Variants in CEP83 observed in about 807,000 individuals in gnomAD.
The protein encoded by CEP83 is centrosomal protein of 83 kDa.
CEP83 carries 70 observed loss-of-function variants against 101.9 expected under a neutral mutation model. The ratio of observed to expected loss-of-function variants is 0.69; its 90% CI spans 0.57 to 0.84. CEP83 has a LOEUF of 0.84. Ranked by LOEUF, CEP83 falls within the 40% of genes least tolerant of loss-of-function variation. The pLI, the probability that CEP83 is intolerant of heterozygous loss-of-function variation, is 0.00. For synonymous variants in CEP83, 264 were observed against 267.9 expected, an observed-to-expected ratio of 0.99 and a Z score of 0.14; for missense variants, 715 against 787.2, an observed-to-expected ratio of 0.91 and a Z score of 1.10.
chr12:94,375,124 G>C (rs2137108019), intron 8 of CEP83, among the ~76,000 whole-genome samples: 2 of 152,224 alleles, frequency 1.3e-5, no homozygotes, highest in East Asian at 3.9e-4. Flanking sequence ...GCTTACATTG[G>C]GTTGAGGGGA....
the CEP83 span, among the ~76,000 whole-genome samples, chr12:94,267,613 G>A: frequency 6.6e-6 from 1 of 152,134 alleles, no homozygotes; most frequent in South Asian, 2.1e-4. Context: ...TAGGGGCCTT[G>A]CCTTTAAAAA....
In CEP83 at chr12:94,412,505, T is replaced by C. The variant is rs773487063; in HGVS notation, c.-15A>G. ...CTGACAACCATGTAAAAATAAGTTT[T>C]GGCTTTCTTACTGTTTTAGTTTTCT... On this transcript the variant is annotated 5_prime_UTR_variant, in exon 3 of 17. Coordinates refer to ENST00000397809, the MANE Select transcript of CEP83 (RefSeq NM_016122.3). 1.2e-6 allele frequency: 2 copies of C among 1,609,622 alleles called. No homozygotes were observed. Among genetic ancestry groups the C allele is most frequent in the Non-Finnish European group, 8.5e-7 (1 of 1,178,444 alleles).
chr12:94,286,616 C>CA, the CEP83 span, among the ~76,000 whole-genome samples: 4,336 of 101,278 alleles, frequency 0.043, 123 homozygotes, highest in East Asian at 0.076. Context: ...TGCTTAAAAG[C>CA]AAAAAAAAAA....
chr12:94,431,239 A>G (rs1369256862), intron 2 of CEP83, among the ~76,000 whole-genome samples: 1 of 152,220 alleles, frequency 6.6e-6, no homozygotes, highest in African/African-American at 2.4e-5. Context: ...CTGAATATCC[A>G]TATGCAGAAA....
rs190604261 is a variant in CEP83 at position 94,398,540 on chromosome 12, A to G, written c.549+2310T>C. On this transcript the variant is annotated intron_variant, in intron 6 of 16. Coordinates refer to ENST00000397809, the MANE Select transcript of CEP83 (RefSeq NM_016122.3). Reference sequence around the variant, plus strand: ...ATAAGCTGAGGATGTACATCACCTCAGGACCACTATAACTGTGTTAACTGT... The same window carrying G: ...ATAAGCTGAGGATGTACATCACCTCGGGACCACTATAACTGTGTTAACTGT... Among the ~76,000 whole-genome samples, 413 of 152,316 alleles carry G rather than the reference A, an allele frequency of 2.7e-3. 2 individuals are homozygous for G. Among genetic ancestry groups the G allele is most frequent in the African/African-American group, 9.0e-3 (373 of 41,566 alleles).
Position 94,388,364 on chromosome 12 carries a change from G to A in CEP83, c.550-9322C>T, listed in dbSNP as rs150650624. ...ATACCAATACCACATGTTCTCACTT[G>A]TAAGTGGGAGCTAAACACTGACTAC... On this transcript the variant is annotated intron_variant, in intron 6 of 16. Transcript: ENST00000397809. 9.2e-4 allele frequency among the ~76,000 whole-genome samples: 140 copies of A among 152,318 alleles called. 1 individual carries two copies. The highest frequency in any genetic ancestry group is 5.0e-3 in the East Asian group (26 of 5,184).
rs147428706 is a variant in CEP83 at position 94,371,031 on chromosome 12, C to T, written c.934-995G>A. Among the ~76,000 whole-genome samples the T allele has an allele frequency of 3.9e-3, 595 of 151,856 alleles. 1 individual carries two copies. Among genetic ancestry groups the T allele is most frequent in the South Asian group, 0.012 (57 of 4,808 alleles). ...TTAAGAATAAAAAATGTGCTGGGGACAAAGAAGGTATTCTAGGTAGAAGGA... is the reference window on the plus strand; with the variant it reads ...TTAAGAATAAAAAATGTGCTGGGGATAAAGAAGGTATTCTAGGTAGAAGGA... On this transcript the variant is annotated intron_variant, in intron 8 of 16. Transcript: ENST00000397809.
the CEP83 span, among the ~76,000 whole-genome samples, chr12:94,265,731 G>T: frequency 6.6e-6 from 1 of 152,200 alleles, no homozygotes; most frequent in Non-Finnish European, 1.5e-5. Context: ...TGCACTTAAT[G>T]TACTGTGATC....
At chr12:94,409,941 G>A (rs1010527784) in intron 4 of CEP83, among the ~76,000 whole-genome samples, 2 of 152,018 alleles carry the variant, frequency 1.3e-5, no homozygotes, top group African/African-American at 4.8e-5. Context: ...CATCTGTAAT[G>A]AACCTACATC....
intron 11 of CEP83, among the ~76,000 whole-genome samples, chr12:94,343,307 C>T (rs550072793): frequency 1.3e-5 from 2 of 151,958 alleles, no homozygotes; most frequent in East Asian, 1.9e-4. Context: ...GGGTCAGCAC[C>T]GTGAGACTGT....
At chr12:94,303,668 A>G, downstream of CEP83, 2 of 1,195,310 alleles carry the variant, frequency 1.7e-6, no homozygotes, top group South Asian at 1.8e-5. Flanking sequence ...GTTCAGCTAC[A>G]TTGGAATATT....
downstream of CEP83, among the ~76,000 whole-genome samples, chr12:94,302,684 G>A (rs771006196): frequency 2.0e-5 from 3 of 152,152 alleles, no homozygotes; most frequent in Admixed American, 1.3e-4. Flanking sequence ...GAGGTTACAA[G>A]TCTTGCCTGA....
chr12:94,294,814 T>C, the CEP83 span, among the ~76,000 whole-genome samples: 5 of 152,306 alleles, frequency 3.3e-5, no homozygotes, highest in African/African-American at 1.2e-4. Flanking sequence ...CAGAATCTCA[T>C]AGCTTTTTTT....
chr12:94,277,685 G>T, the CEP83 span: 1 of 332,964 alleles, frequency 3.0e-6, no homozygotes, highest in African/African-American at 2.2e-5. Flanking sequence ...TACTGAGCAT[G>T]GAGTGGGCGT....
At chr12:94,457,903 T>C (rs1225651452) in intron 1 of CEP83, among the ~76,000 whole-genome samples, 1 of 152,180 alleles carries the variant, frequency 6.6e-6, no homozygotes, top group Non-Finnish European at 1.5e-5. Flanking sequence ...GATTAAAAAC[T>C]ACCTGTGAAT....
At chr12:94,296,944 G>T in the CEP83 span, among the ~76,000 whole-genome samples, 2 of 152,118 alleles carry the variant, frequency 1.3e-5, no homozygotes, top group African/African-American at 4.8e-5. Context: ...TCTCCTACCA[G>T]CAAGAGATCA....
intron 2 of CEP83, chr12:94,424,176 G>A (rs1189200962): frequency 6.9e-6 from 11 of 1,604,704 alleles, no homozygotes; most frequent in Non-Finnish European, 9.4e-6. Context: ...ATGTTATAAG[G>A]GGCTGGGTAA....
chr12:94,279,657 G>A, the CEP83 span: 2 of 1,613,442 alleles, frequency 1.2e-6, no homozygotes, highest in Admixed American at 1.7e-5. Flanking sequence ...TTGGTAAGGC[G>A]GTGCGGGAGC....
Position 94,333,814 on chromosome 12 carries a change from T to A in CEP83, c.1420-175A>T. 2 of 583,988 alleles carry A rather than the reference T, an allele frequency of 3.4e-6. 1 individual carries two copies. Among genetic ancestry groups the A allele is most frequent in the South Asian group, 4.5e-5 (2 of 44,166 alleles). The allele number at this position is 583,988 out of a possible 1,614,324, so 36.2% of individuals were successfully genotyped here. On this transcript the variant is annotated intron_variant, in intron 12 of 16. Coordinates refer to ENST00000397809, the MANE Select transcript of CEP83 (RefSeq NM_016122.3). ...AGCAGCACCCAGGAGCATTTCTTAT[T>A]ATAATCAGAGACTATCAAGAACTAT...
Sources: allele counts gnomAD v4.1 joint callset (sites outside exome capture counted in the v4.1 genomes callset), GRCh38; gene constraint gnomAD v4.1.1; transcripts MANE v1.5; gene names NCBI Gene and HGNC (gene_info 2026-07-23, HGNC 2026-07-21).